GMDS: variants seen among roughly 807,000 people sequenced by gnomAD.
GMDS encodes the protein GDP-mannose 4,6 dehydratase.
GMDS carries 20 observed loss-of-function variants against 49.9 expected under a neutral mutation model. The ratio of observed to expected loss-of-function variants is 0.40; its 90% confidence interval spans 0.28 to 0.58. GMDS has a LOEUF of 0.58. GMDS is among the 20% of genes least tolerant of loss of function. GMDS has a pLI of 0.42. For synonymous variants in GMDS, 177 were observed against 178.6 expected, an observed-to-expected ratio of 0.99 and a Z score of 0.07; for missense variants, 362 against 481.4, an observed-to-expected ratio of 0.75 and a Z score of 2.32.
intron 4 of GMDS, among the ~76,000 whole-genome samples, chr6:1,965,573 G>A (rs965766541): frequency 1.3e-5 from 2 of 152,088 alleles, no homozygotes; most frequent in South Asian, 2.1e-4. Flanking sequence ...CTGTGGTCCC[G>A]ACACTTTGGG....
chr6:2,153,964 G>C (rs1349729328), intron 1 of GMDS, among the ~76,000 whole-genome samples: 1 of 152,110 alleles, frequency 6.6e-6, no homozygotes, highest in African/African-American at 2.4e-5. Flanking sequence ...GGAAGATATA[G>C]CACTAGGGAT....
chr6:1,688,391 G>A (rs899324224), intron 9 of GMDS, among the ~76,000 whole-genome samples: 9 of 152,204 alleles, frequency 5.9e-5, no homozygotes, highest in Non-Finnish European at 1.2e-4. Flanking sequence ...CACGTGGAGC[G>A]TGCTGTGTGG....
intron 7 of GMDS, among the ~76,000 whole-genome samples, chr6:1,791,573 A>G (rs1489462251): frequency 6.6e-6 from 1 of 152,198 alleles, no homozygotes; most frequent in Non-Finnish European, 1.5e-5. Context: ...CGGCTTCAAC[A>G]TATGAATTTT....
intron 9 of GMDS, among the ~76,000 whole-genome samples, chr6:1,671,565 T>G (rs1446602267): frequency 6.6e-6 from 1 of 152,114 alleles, no homozygotes; most frequent in Non-Finnish European, 1.5e-5. Flanking sequence ...ACGATATCAT[T>G]CTGAGAATTT....
chr6:2,103,562 C>G (rs189350600), intron 4 of GMDS, among the ~76,000 whole-genome samples: 1 of 152,074 alleles, frequency 6.6e-6, no homozygotes, highest in East Asian at 1.9e-4. Context: ...GCCCTTATTT[C>G]GTTTATAATT....
intron 4 of GMDS, among the ~76,000 whole-genome samples, chr6:2,057,978 G>T (rs952043930): frequency 7.2e-5 from 11 of 151,974 alleles, no homozygotes; most frequent in African/African-American, 2.7e-4. Context: ...GCACTTCGGG[G>T]TACACCACAG....
intron 8 of GMDS, among the ~76,000 whole-genome samples, chr6:1,737,392 G>A (rs1451564255): frequency 6.6e-6 from 1 of 152,130 alleles, no homozygotes; most frequent in African/African-American, 2.4e-5. Context: ...TAGGAGAAAA[G>A]TGTTTCCTTT....
chr6:1,631,504 C>T (rs1333351965), intron 9 of GMDS, among the ~76,000 whole-genome samples: 7 of 152,074 alleles, frequency 4.6e-5, no homozygotes, highest in Non-Finnish European at 8.8e-5. Flanking sequence ...TCCCCCCCTC[C>T]GCCCCACCAC....
chr6:2,087,843 C>T (rs1035054118), intron 4 of GMDS, among the ~76,000 whole-genome samples: 2 of 152,056 alleles, frequency 1.3e-5, no homozygotes, highest in African/African-American at 4.8e-5. Context: ...GAGTGAAGTC[C>T]CTATAATCAA....
chr6:2,024,303 A>C (rs1429944706), intron 4 of GMDS, among the ~76,000 whole-genome samples: 2 of 152,156 alleles, frequency 1.3e-5, no homozygotes, highest in Non-Finnish European at 2.9e-5. Flanking sequence ...ATCAAAGGAC[A>C]GACTTTATCA....
intron 9 of GMDS, among the ~76,000 whole-genome samples, chr6:1,687,940 G>A (rs1015943874): frequency 6.6e-6 from 1 of 152,176 alleles, no homozygotes; most frequent in African/African-American, 2.4e-5. Context: ...TGAGAGAGCT[G>A]TAAAGCCACA....
chr6:1,876,732 A>G (rs1014921482), intron 7 of GMDS, among the ~76,000 whole-genome samples: 1 of 152,220 alleles, frequency 6.6e-6, no homozygotes, highest in Admixed American at 6.5e-5. Flanking sequence ...GATGTGGGAC[A>G]TTTCTGTTTG....
chr6:2,240,671 T>A (rs1781574936), intron 1 of GMDS, among the ~76,000 whole-genome samples: 1 of 147,750 alleles, frequency 6.8e-6, no homozygotes. Context: ...CTTCAACAAA[T>A]ATACTTTGAA....
At chr6:1,976,417 G>A (rs557815228) in intron 4 of GMDS, among the ~76,000 whole-genome samples, 2 of 152,240 alleles carry the variant, frequency 1.3e-5, no homozygotes, top group South Asian at 2.1e-4. Flanking sequence ...GGCACATAAC[G>A]GGAACACAGC....
At chr6:1,723,311 TCA>T (rs796128520) in intron 9 of GMDS, among the ~76,000 whole-genome samples, 9,103 of 144,888 alleles carry the variant, frequency 0.063, 812 homozygotes, top group African/African-American at 0.19. Context: ...TTTTTTTTTT[TCA>T]AATTTTCTTT....
chr6:1,778,621 T>C lies in GMDS; in HGVS notation c.772-36035A>G, dbSNP rs1445644870. On this transcript the variant is annotated intron_variant, in intron 7 of 10. Transcript: ENST00000380815. The surrounding 1 kb of genome is among the most constrained non-coding windows in gnomAD (Gnocchi z 4.6). ...AGGATTAGAGTAACATTAGTTAACG[T>C]GGCCCTCCATTAATTTTCACTATAA... 6.6e-6 allele frequency among the ~76,000 whole-genome samples: 1 copy of C among 152,220 alleles called. No homozygotes were observed. Among genetic ancestry groups the C allele is most frequent in the Non-Finnish European group, 1.5e-5 (1 of 68,040 alleles).
intron 4 of GMDS, among the ~76,000 whole-genome samples, chr6:2,026,912 G>A (rs575071805): frequency 6.6e-6 from 1 of 152,194 alleles, no homozygotes; most frequent in Admixed American, 6.5e-5. Flanking sequence ...ATGTTACCAA[G>A]AAATAGGAAA....
At chr6:1,633,848 G>C (rs1248669491) in intron 9 of GMDS, among the ~76,000 whole-genome samples, 1 of 152,050 alleles carries the variant, frequency 6.6e-6, no homozygotes, top group East Asian at 1.9e-4. Flanking sequence ...AAAGCCACGT[G>C]GTCACAAGGC....
chr6:1,805,770 A>C (rs1770150292), intron 7 of GMDS, among the ~76,000 whole-genome samples: 1 of 152,164 alleles, frequency 6.6e-6, no homozygotes, highest in Non-Finnish European at 1.5e-5. Context: ...TTGCAGTTTT[A>C]TCTCCTACTA....
Sources: allele counts gnomAD v4.1 joint callset (sites outside exome capture counted in the v4.1 genomes callset), GRCh38; gene constraint gnomAD v4.1.1; non-coding constraint Gnocchi (gnomAD v3.1); transcripts MANE v1.5; gene names NCBI Gene and HGNC (gene_info 2026-07-23, HGNC 2026-07-21).